ENPP4: variants seen among roughly 807,000 people sequenced by gnomAD.
ENPP4 encodes bis(5'-adenosyl)-triphosphatase ENPP4.
A neutral mutation model predicts 33.4 loss-of-function variants in ENPP4; 18 were observed. The ratio of observed to expected loss-of-function variants is 0.54; its 90% CI spans 0.37 to 0.80. The LOEUF (loss-of-function observed/expected upper bound fraction) is 0.80. Ranked by LOEUF, ENPP4 falls within the 30% of genes least tolerant of loss-of-function variation. The probability of loss-of-function intolerance (pLI) is 0.00; values close to 1 mark genes in which losing one functional copy is unlikely to be tolerated. For synonymous variants in ENPP4, 172 were observed against 189.9 expected (o/e 0.91, Z 0.78); for missense variants, 480 against 541.7 (o/e 0.89, Z 1.13).
At chr6:46,134,857 C>A (rs530949293) in intron 1 of ENPP4, among the ~76,000 whole-genome samples, 1 of 152,070 alleles carries the variant, frequency 6.6e-6, no homozygotes, top group Admixed American at 6.6e-5. Context: ...CATTTCCCCC[C>A]CAACCCCTGG....
At chr6:46,134,572 CAA>C (rs1252495074) in intron 1 of ENPP4, among the ~76,000 whole-genome samples, 5 of 152,070 alleles carry the variant, frequency 3.3e-5, no homozygotes, top group Non-Finnish European at 5.9e-5. Flanking sequence ...TTAAAACACT[CAA>C]GTGTGTATTT....
At chr6:46,143,185 T>G in intron 3 of ENPP4, 91 bp from the exon 4 acceptor site, 1 of 1,264,136 alleles carries the variant, frequency 7.9e-7, no homozygotes, top group Non-Finnish European at 1.1e-6. Flanking sequence ...AGTCCCTTTC[T>G]GAAAGAATTG....
At position 46,143,810 on chromosome 6, in the gene ENPP4, C is replaced by A; in HGVS notation, c.*170C>A. 1.5e-6 allele frequency: 1 copy of A among 645,950 alleles called. No individual in the cohort carries two copies. The highest frequency in any genetic ancestry group is 2.5e-6 in the Non-Finnish European group (1 of 395,032). The allele number at this position is 645,950 out of a possible 1,614,324, so 40.0% of individuals were successfully genotyped here. Reference sequence around the variant, plus strand: ...CTTGTGTTTTGTTTCGGTGCATTTGCTAATAAGATAACGCTGACCATAGTA... The same window carrying A: ...CTTGTGTTTTGTTTCGGTGCATTTGATAATAAGATAACGCTGACCATAGTA... On this transcript the variant is annotated 3_prime_UTR_variant, in exon 4 of 4. Coordinates refer to ENST00000321037, the MANE Select transcript of ENPP4 (RefSeq NM_014936.5).
intron 1 of ENPP4, among the ~76,000 whole-genome samples, chr6:46,138,295 T>A (rs1764004385): frequency 6.6e-6 from 1 of 151,818 alleles, no homozygotes; most frequent in African/African-American, 2.4e-5. Context: ...ATCTTCAGCT[T>A]CCTTTGTCTT....
At chr6:46,135,912 T>G (rs1763967773) in intron 1 of ENPP4, among the ~76,000 whole-genome samples, 1 of 152,076 alleles carries the variant, frequency 6.6e-6, no homozygotes, top group Non-Finnish European at 1.5e-5. Flanking sequence ...TACCATTTGT[T>G]GAATTGTCTT....
intron 1 of ENPP4, among the ~76,000 whole-genome samples, chr6:46,130,467 A>C (rs1763877160): frequency 6.6e-6 from 1 of 152,208 alleles, no homozygotes; most frequent in East Asian, 1.9e-4. Flanking sequence ...AAGGGAGGGA[A>C]GTCAGCCGAA....
Position 46,139,765 on chromosome 6 carries a change from A to G in ENPP4, c.182A>G (p.His61Arg), listed in dbSNP as rs761109419. 20 of 1,612,012 alleles carry G rather than the reference A, an allele frequency of 1.2e-5. No homozygotes were observed. In the East Asian group the frequency reaches 4.5e-4, roughly 36 times the overall value. Residue 61 changes from histidine (H) to arginine (R), a missense_variant, in exon 2 of 4, where the codon CAT (histidine) becomes CGT (arginine). His to Arg is a conservative substitution (Grantham distance 29). Coordinates refer to ENST00000321037, the MANE Select transcript of ENPP4 (RefSeq NM_014936.5). ...ATCAAAGAAGGTGTTTTGGTAGAGC[A>G]TGTTAAAAATGTTTTTATCACAAAA... ...NFIKEGVLVE[H>R]VKNVFITKTF...
rs777831773 is a variant in ENPP4 at position 46,140,261 on chromosome 6, A to G, written c.678A>G (p.Leu226=). 17 of 1,612,454 alleles carry G rather than the reference A, an allele frequency of 1.1e-5. No homozygotes were observed. The highest frequency in any genetic ancestry group is 2.2e-5 in the East Asian group (1 of 44,858). The part of the protein sequence containing the change: ...DLVQRLKMLG[L]WENLNVIITS... The stretch of plus-strand genomic sequence containing the variant: ...TCCAAAGACTCAAGATGTTAGGGCT[A>G]TGGGAAAATCTTAATGTGATCATTA... Residue 226 remains leucine, a synonymous_variant, in exon 2 of 4, where the codon CTA becomes CTG. Transcript: ENST00000321037.
intron 1 of ENPP4, among the ~76,000 whole-genome samples, chr6:46,134,730 C>G (rs1380431931): frequency 6.6e-6 from 1 of 151,972 alleles, no homozygotes; most frequent in Non-Finnish European, 1.5e-5. Context: ...ACACACCATT[C>G]AATTCACTCA....
chr6:46,143,689 G>C lies in ENPP4; in HGVS notation c.*49G>C, dbSNP rs751866145. On this transcript the variant is annotated 3_prime_UTR_variant, in exon 4 of 4. Transcript: ENST00000321037. The stretch of plus-strand genomic sequence containing the variant: ...TGTCTTTGATTAATCACAAAACTAA[G>C]AATACATCCAAAGAATAGTGTTGTA... 9 of 1,506,828 alleles carry C rather than the reference G, an allele frequency of 6.0e-6. No individual in the cohort carries two copies. In the Admixed American group the frequency reaches 1.2e-4, roughly 20 times the overall value. 93.3% of individuals were successfully genotyped at this position (1,506,828 alleles called of 1,614,324 possible). A position where few individuals can be genotyped will look rare whatever the true frequency, so the allele number is the denominator to read the frequency against.
intron 1 of ENPP4, among the ~76,000 whole-genome samples, chr6:46,134,982 G>A (rs1763957494): frequency 6.6e-6 from 1 of 151,912 alleles, no homozygotes; most frequent in African/African-American, 2.4e-5. Flanking sequence ...CTTACATTTA[G>A]CGTATTTATC....
chr6:46,141,914 G>A (rs948903255), intron 3 of ENPP4, among the ~76,000 whole-genome samples: 1 of 151,476 alleles, frequency 6.6e-6, no homozygotes, highest in Non-Finnish European at 1.5e-5. Flanking sequence ...TGGGCCAGCT[G>A]GTCTCTGTCT....
In ENPP4 at chr6:46,137,922, G is replaced by A. The variant is rs140165249; in HGVS notation, c.-33-1629G>A. Among the ~76,000 whole-genome samples the A allele has an allele frequency of 1.2e-3, 172 of 140,054 alleles. 2 individuals are homozygous for A. The highest frequency in any genetic ancestry group is 3.7e-3 in the African/African-American group (149 of 39,768). 91.9% of individuals were successfully genotyped at this position (140,054 alleles called of 152,430 possible). ...TGACCACAAGTACGCAGATCCTCCA[G>A]GTGGCATGTTTGAAAGAAAGAGAGA... On this transcript the variant is annotated intron_variant, in intron 1 of 3. Coordinates refer to ENST00000321037, the MANE Select transcript of ENPP4 (RefSeq NM_014936.5).
At chr6:46,137,942 GAGAGAA>G (rs1763999052) in intron 1 of ENPP4, among the ~76,000 whole-genome samples, 1 of 151,756 alleles carries the variant, frequency 6.6e-6, no homozygotes, top group Non-Finnish European at 1.5e-5. Flanking sequence ...TTGAAAGAAA[GAGAGAA>G]AGTGTTTCCA....
At chr6:46,140,904 C>A in intron 2 of ENPP4, 148 bp from the exon 3 acceptor site, 1 of 566,416 alleles carries the variant, frequency 1.8e-6, no homozygotes, top group Non-Finnish European at 3.1e-6. Context: ...CAGTCCCCAA[C>A]ACTCTCACAT....
Position 46,146,643 on chromosome 6 carries a change from G to C in ENPP4, c.*3003G>C, listed in dbSNP as rs1313942163. 1 of 151,890 alleles carries C rather than the reference G, an allele frequency of 6.6e-6. No homozygotes were observed. The highest frequency in any genetic ancestry group is 2.4e-5 in the African/African-American group (1 of 41,388). The allele number at this position is 151,890 out of a possible 1,614,324, so 9.4% of individuals were successfully genotyped here. A position where few individuals can be genotyped will look rare whatever the true frequency, so the allele number is the denominator to read the frequency against. On this transcript the variant is annotated 3_prime_UTR_variant, in exon 4 of 4. Transcript: ENST00000321037. The stretch of plus-strand genomic sequence containing the variant: ...TGTTCATGATTTTTAAAATGTGTGT[G>C]AATAAAATCTACCAAAAAATTCTTA...
intron 1 of ENPP4, among the ~76,000 whole-genome samples, chr6:46,137,278 A>G (rs578188646): frequency 2.2e-4 from 33 of 151,982 alleles, no homozygotes; most frequent in Non-Finnish European, 4.1e-4. Flanking sequence ...TAAGTTTATG[A>G]GTATGTTTTC....
Position 46,143,310 on chromosome 6 carries a change from T to A in ENPP4, c.1032T>A (p.Ser344Arg). The A allele has an allele frequency of 6.2e-7, 1 of 1,604,500 alleles. No individual in the cohort carries two copies. The highest frequency in any genetic ancestry group is 8.5e-7 in the Non-Finnish European group (1 of 1,173,016). ...ATGGTTATGATAATTCTTTGCCTAGTATGCATCCATTTCTAGCTGCCCACG... is the reference window on the plus strand; with the variant it reads ...ATGGTTATGATAATTCTTTGCCTAGAATGCATCCATTTCTAGCTGCCCACG... ...GDHGYDNSLP[S>R]MHPFLAAHGP... is the part of the protein sequence containing the mutation. Residue 344 changes from serine to arginine, a missense_variant, in exon 4 of 4, where the codon AGT becomes AGA. Coordinates refer to ENST00000321037, the MANE Select transcript of ENPP4 (RefSeq NM_014936.5).
chr6:46,139,648 C>A lies in ENPP4; in HGVS notation c.65C>A (p.Ser22Tyr). Residue 22 changes from serine to tyrosine, a missense_variant, in exon 2 of 4, where the codon TCT (serine) becomes TAT (tyrosine). Ser to Tyr is a moderately radical substitution (Grantham distance 144). Transcript: ENST00000321037. ...ACTGGTTTTAGAAGTGACTCTTCCT[C>A]TAGTTTGCCACCTAAGTTACTACTA... is the stretch of plus-strand genomic sequence containing the variant. ...LITGFRSDSS[S>Y]SLPPKLLLVS... 6.2e-7 allele frequency: 1 copy of A among 1,610,992 alleles called. No individual in the cohort carries two copies. Among genetic ancestry groups the A allele is most frequent in the Non-Finnish European group, 8.5e-7 (1 of 1,177,858 alleles).
Sources: allele counts gnomAD v4.1 joint callset (sites outside exome capture counted in the v4.1 genomes callset), GRCh38; gene constraint gnomAD v4.1.1; transcripts MANE v1.5; gene names NCBI Gene and HGNC (gene_info 2026-07-23, HGNC 2026-07-21).